Variants in SERPINA3 observed in about 807,000 individuals in gnomAD.
The protein encoded by SERPINA3 is serpin family A member 3, also known as alpha-1-antichymotrypsin.
In SERPINA3, 32 loss-of-function variants were observed where a neutral mutation model predicts 26.8. That is an observed-to-expected ratio of 1.20 (90% confidence interval 0.90 to 1.61). The LOEUF is 1.61. SERPINA3 is among the 40% of genes most tolerant of loss of function. SERPINA3 has a pLI of 0.00. For synonymous variants in SERPINA3, 252 were observed against 206.4 expected (o/e 1.22, Z -1.89); for missense variants, 632 against 517.9 (o/e 1.22, Z -2.14).
rs1383457087 is a variant in SERPINA3 at position 94,623,748 on chromosome 14, C to T, written c.1206C>T (p.Ile402=). Residue 402 remains isoleucine, a synonymous_variant, in exon 5 of 5, where the codon ATC becomes ATT. Coordinates refer to ENST00000393078, the MANE Select transcript of SERPINA3 (RefSeq NM_001085.5). ...IVRFNRPFLM[I]IVPTDTQNIF... ...GTTTCAACAGGCCCTTCCTGATGATCATTGTCCCTACAGACACCCAGAACA... is the reference window on the plus strand; with the variant it reads ...GTTTCAACAGGCCCTTCCTGATGATTATTGTCCCTACAGACACCCAGAACA... 2.5e-5 allele frequency: 40 copies of T among 1,614,064 alleles called. No individual in the cohort carries two copies. Among genetic ancestry groups the T allele is most frequent in the Non-Finnish European group, 3.4e-5 (40 of 1,180,036 alleles).
intron 3 of SERPINA3, among the ~76,000 whole-genome samples, chr14:94,620,462 G>A (rs1324897732): frequency 6.6e-6 from 1 of 152,218 alleles, no homozygotes; most frequent in Non-Finnish European, 1.5e-5. Flanking sequence ...GAGCAGCTTA[G>A]GTAGGGCCAC....
At chr14:94,614,201 G>A (rs879940723) in intron 1 of SERPINA3, 1 of 563,504 alleles carries the variant, frequency 1.8e-6, no homozygotes, top group Non-Finnish European at 3.2e-6. Flanking sequence ...ACCGCTCTGT[G>A]CCCGGCTTTT....
At chr14:94,619,633 T>C in intron 3 of SERPINA3, 165 bp downstream of exon 3, 4 of 804,376 alleles carry the variant, frequency 5.0e-6, no homozygotes, top group Non-Finnish European at 8.2e-6. Flanking sequence ...ATTTTTCTTT[T>C]TCTTCTTTAA....
rs369052250 is a variant in SERPINA3, at chr14:94,622,508, G to C, written c.1068+17G>C. The C allele has an allele frequency of 3.8e-5, 61 of 1,613,750 alleles. No homozygotes were observed. The African/African-American group carries it at 6.4e-4, about 17-fold the overall frequency. On this transcript the variant is annotated intron_variant, in intron 4 of 4. Coordinates refer to ENST00000393078, the MANE Select transcript of SERPINA3 (RefSeq NM_001085.5). The stretch of plus-strand genomic sequence containing the variant: ...GTCTCCCAGGTGAGTCTTTAGACTT[G>C]GGTCAATTCATCCTTTGTATCCGAA...
At chr14:94,615,683 G>A (rs538469938) in intron 2 of SERPINA3, among the ~76,000 whole-genome samples, 1 of 152,216 alleles carries the variant, frequency 6.6e-6, no homozygotes, top group African/African-American at 2.4e-5. Context: ...AACAAATGAG[G>A]GCAGAAATGG....
rs11538071 is a variant in SERPINA3 at position 94,614,807 on chromosome 14, C to T, written c.366C>T (p.Leu122=). The change falls in exon 2 of 5, where the codon CTC becomes CTT. Residue 122 remains leucine (L), a synonymous_variant. Transcript: ENST00000393078. Reference sequence around the variant, plus strand: ...AAATTCACCAGAGCTTCCAGCACCTCCTGCGCACCCTCAATCAGTCCAGCG... The same window carrying T: ...AAATTCACCAGAGCTTCCAGCACCTTCTGCGCACCCTCAATCAGTCCAGCG... ...EAEIHQSFQH[L]LRTLNQSSDE... 4 of 1,614,228 alleles carry T rather than the reference C, an allele frequency of 2.5e-6. No homozygotes were observed. Among genetic ancestry groups the T allele is most frequent in the South Asian group, 1.1e-5 (1 of 91,074 alleles).
intron 4 of SERPINA3, chr14:94,622,787 C>T: frequency 4.5e-6 from 2 of 448,710 alleles, no homozygotes; most frequent in Non-Finnish European, 8.3e-6. Context: ...CAATTAAAGT[C>T]CTCCACCCCC....
In SERPINA3 at chr14:94,623,810, C is replaced by T. The variant is rs373039062; in HGVS notation, c.1268C>T (p.Ala423Val). Residue 423 changes from alanine to valine, a missense_variant, in exon 5 of 5, where the codon GCC becomes GTC. Coordinates refer to ENST00000393078, the MANE Select transcript of SERPINA3 (RefSeq NM_001085.5). The part of the protein sequence containing the change: ...FMSKVTNPKQ[A>V] ...AGCAAAGTCACCAATCCCAAGCAAG[C>T]CTAGAGCTTGCCATCAAGCAGTGGG... The T allele has an allele frequency of 5.0e-6, 8 of 1,613,838 alleles. No homozygotes were observed. The East Asian group carries it at 6.7e-5, about 13-fold the overall frequency.
chr14:94,621,724 T>G (rs1886209254), intron 3 of SERPINA3, among the ~76,000 whole-genome samples: 1 of 152,124 alleles, frequency 6.6e-6, no homozygotes, highest in African/African-American at 2.4e-5. Context: ...ACAATCAGAC[T>G]CTTCAGAGGC....
Position 94,614,987 on chromosome 14 carries a change from C to T in SERPINA3, c.546C>T (p.Asp182=). The part of the protein sequence containing the change: ...DSAAAKKLIN[D]YVKNGTRGKI... ...CTGCAGCTAAGAAGCTCATCAACGA[C>T]TACGTGAAGAATGGAACTAGGGGGA... Residue 182 remains aspartate (D), a synonymous_variant, in exon 2 of 5, where the codon GAC becomes GAT. Transcript: ENST00000393078. The T allele has an allele frequency of 6.2e-7, 1 of 1,614,022 alleles. No individual in the cohort carries two copies. Among genetic ancestry groups the T allele is most frequent in the Non-Finnish European group, 8.5e-7 (1 of 1,179,884 alleles).
chr14:94,618,398 T>C (rs1157207558), intron 2 of SERPINA3: 4 of 152,224 alleles, frequency 2.6e-5, no homozygotes, highest in East Asian at 3.9e-4. Context: ...TTTGCAACAC[T>C]GAGAGCCTAG....
chr14:94,622,372 T>C lies in SERPINA3; in HGVS notation c.949T>C (p.Ser317Pro). 8 of 1,614,110 alleles carry C rather than the reference T, an allele frequency of 5.0e-6. No individual in the cohort carries two copies. The highest frequency in any genetic ancestry group is 6.8e-6 in the Non-Finnish European group (8 of 1,180,030). The part of the protein sequence containing the change: ...EIGELYLPKF[S>P]ISRDYNLNDI... ...AGGTGAGCTCTACCTGCCAAAGTTTTCCATCTCGAGGGACTATAACCTGAA... is the reference window on the plus strand; with the variant it reads ...AGGTGAGCTCTACCTGCCAAAGTTTCCCATCTCGAGGGACTATAACCTGAA... The change falls in exon 4 of 5, where the codon TCC becomes CCC. Residue 317 changes from serine to proline, a missense_variant. Transcript: ENST00000393078.
intron 2 of SERPINA3, among the ~76,000 whole-genome samples, chr14:94,617,001 C>G (rs1219784612): frequency 6.6e-6 from 1 of 152,174 alleles, no homozygotes; most frequent in Non-Finnish European, 1.5e-5. Context: ...TCTCCCCATT[C>G]TGGCATACAA....
At chr14:94,617,917 A>T (rs1371694194) in intron 2 of SERPINA3, 1 of 151,638 alleles carries the variant, frequency 6.6e-6, no homozygotes, top group Admixed American at 6.6e-5. Flanking sequence ...TTTCCTCTTC[A>T]TTTTTTTTAC....
At chr14:94,622,996 C>G (rs150481463) in intron 4 of SERPINA3, among the ~76,000 whole-genome samples, 4 of 152,204 alleles carry the variant, frequency 2.6e-5, no homozygotes, top group Admixed American at 6.5e-5. Context: ...GGCCATGCAG[C>G]CTTTTGCTCT....
intron 3 of SERPINA3, 29 bp downstream of exon 3, chr14:94,619,497 A>T (rs768096820): frequency 1.2e-6 from 2 of 1,613,342 alleles, no homozygotes; most frequent in South Asian, 2.2e-5. Context: ...CAAAGACCCC[A>T]CATCTCTCCA....
chr14:94,615,975 G>C (rs992518363), intron 2 of SERPINA3, among the ~76,000 whole-genome samples: 1 of 152,212 alleles, frequency 6.6e-6, no homozygotes, highest in Non-Finnish European at 1.5e-5. Context: ...TGGAGGCAGA[G>C]TCCTGCTTGG....
chr14:94,619,357 C>T lies in SERPINA3; in HGVS notation c.806C>T (p.Thr269Ile). Reference protein sequence around the residue: ...LSCTVVELKYTGNASALFILP... With the variant: ...LSCTVVELKYIGNASALFILP... Reference sequence around the variant, plus strand: ...TGCACCGTGGTGGAGCTGAAGTACACAGGCAATGCCAGCGCACTCTTCATC... The same window carrying T: ...TGCACCGTGGTGGAGCTGAAGTACATAGGCAATGCCAGCGCACTCTTCATC... Residue 269 changes from threonine (T) to isoleucine (I), a missense_variant, in exon 3 of 5, where the codon ACA becomes ATA. Coordinates refer to ENST00000393078, the MANE Select transcript of SERPINA3 (RefSeq NM_001085.5). 6.2e-7 allele frequency: 1 copy of T among 1,614,192 alleles called. No individual in the cohort carries two copies. Among genetic ancestry groups the T allele is most frequent in the Non-Finnish European group, 8.5e-7 (1 of 1,180,028 alleles).
At position 94,619,330 on chromosome 14, in the gene SERPINA3, C is replaced by T. The variant is rs1319307412; in HGVS notation, c.779C>T (p.Ser260Phe). 5.6e-6 allele frequency: 9 copies of T among 1,614,084 alleles called. No homozygotes were observed. Among genetic ancestry groups the T allele is most frequent in the African/African-American group, 1.3e-5 (1 of 74,930 alleles). ...CCTTACTTCCGGGACGAGGAGCTGT[C>T]CTGCACCGTGGTGGAGCTGAAGTAC... is the stretch of plus-strand genomic sequence containing the variant. ...TIPYFRDEEL[S>F]CTVVELKYTG... The change falls in exon 3 of 5, where the codon TCC (serine) becomes TTC (phenylalanine). Residue 260 changes from serine (S) to phenylalanine (F), a missense_variant. Coordinates refer to ENST00000393078, the MANE Select transcript of SERPINA3 (RefSeq NM_001085.5).
Sources: allele counts gnomAD v4.1 joint callset (sites outside exome capture counted in the v4.1 genomes callset), GRCh38; gene constraint gnomAD v4.1.1; transcripts MANE v1.5; gene names NCBI Gene and HGNC (gene_info 2026-07-23, HGNC 2026-07-21).